The following FPR3 variants were observed in gnomAD, a reference collection of about 807,000 sequenced individuals.
FPR3 encodes formyl peptide receptor 3.
For missense variants in FPR3, 346 were observed against 443.2 expected (o/e 0.78, Z 1.97); for synonymous variants, 135 against 163.6 (o/e 0.83, Z 1.34).
chr19:51,824,119 G>C lies in FPR3; in HGVS notation c.371G>C (p.Cys124Ser), dbSNP rs746392669. 1.2e-5 allele frequency: 20 copies of C among 1,613,846 alleles called. No homozygotes were observed. The highest frequency in any genetic ancestry group is 8.5e-7 in the Non-Finnish European group (1 of 1,179,922). The change falls in exon 2 of 2, where the codon TGT becomes TCT. Residue 124 changes from cysteine to serine, a missense_variant. By Grantham distance (112) the Cys-to-Ser change is moderately radical. Transcript: ENST00000339223. This position sits in a 1 kb window ranked among gnomAD's most constrained non-coding sequence, Gnocchi z 4.7. ...ATCACCATCATTGCTCTGGACCGCTGTATTTGTGTCCTGCATCCAGCCTGG... is the reference window on the plus strand; with the variant it reads ...ATCACCATCATTGCTCTGGACCGCTCTATTTGTGTCCTGCATCCAGCCTGG... Reference protein sequence around the residue: ...YLITIIALDRCICVLHPAWAQ... With the variant: ...YLITIIALDRSICVLHPAWAQ...
chr19:51,812,161 T>C (rs994012482), intron 1 of FPR3, among the ~76,000 whole-genome samples: 2 of 152,166 alleles, frequency 1.3e-5, no homozygotes, highest in African/African-American at 4.8e-5. Context: ...TTAAAGTAAA[T>C]TGTTTGCACT....
chr19:51,821,420 T>C (rs1009147822), intron 1 of FPR3, among the ~76,000 whole-genome samples: 16 of 152,144 alleles, frequency 1.1e-4, no homozygotes, highest in Non-Finnish European at 2.1e-4. Flanking sequence ...CTAGCATCGG[T>C]GGATAGAGGC....
At chr19:51,798,611 C>T (rs990870826) in intron 1 of FPR3, among the ~76,000 whole-genome samples, 8 of 152,108 alleles carry the variant, frequency 5.3e-5, no homozygotes, top group South Asian at 4.1e-4. Context: ...TGGCTCTGTT[C>T]GGTCTGGTTT....
chr19:51,808,728 A>T (rs988504488), intron 1 of FPR3, among the ~76,000 whole-genome samples: 1 of 152,212 alleles, frequency 6.6e-6, no homozygotes, highest in Non-Finnish European at 1.5e-5. Flanking sequence ...AGATGGTGAA[A>T]GTTTTTGTAA....
intron 1 of FPR3, among the ~76,000 whole-genome samples, chr19:51,795,809 G>T (rs2083995346): frequency 6.6e-6 from 1 of 151,920 alleles, no homozygotes; most frequent in African/African-American, 2.4e-5. Context: ...CAATGTGACT[G>T]GCCAATTCTT....
chr19:51,806,421 C>G (rs1213438860), intron 1 of FPR3, among the ~76,000 whole-genome samples: 2 of 152,212 alleles, frequency 1.3e-5, no homozygotes, highest in Non-Finnish European at 2.9e-5. Context: ...TCCTCTAACA[C>G]TTGCCAATGT....
intron 1 of FPR3, among the ~76,000 whole-genome samples, chr19:51,816,840 G>C (rs2084140818): frequency 1.3e-5 from 2 of 152,218 alleles, no homozygotes; most frequent in Admixed American, 6.5e-5. Context: ...GAGAATTGGA[G>C]ACTTGCTCTG....
Position 51,824,919 on chromosome 19 carries a change from C to A in FPR3, c.*109C>A. 1 of 863,582 alleles carries A rather than the reference C, an allele frequency of 1.2e-6. No individual in the cohort carries two copies. Among genetic ancestry groups the A allele is most frequent in the Non-Finnish European group, 1.8e-6 (1 of 560,822 alleles). 53.5% of individuals were successfully genotyped at this position (863,582 alleles called of 1,614,324 possible). On this transcript the variant is annotated 3_prime_UTR_variant, in exon 2 of 2. Coordinates refer to ENST00000339223, the MANE Select transcript of FPR3 (RefSeq NM_002030.5). This position sits in a 1 kb window ranked among gnomAD's most constrained non-coding sequence, Gnocchi z 4.7. The stretch of plus-strand genomic sequence containing the variant: ...TTCATACCACCACCACCACAATCAT[C>A]AACATAAAGGAAGTCTGTACCAAAT...
chr19:51,824,520 G>A lies in FPR3; in HGVS notation c.772G>A (p.Glu258Lys), dbSNP rs779072888. The change falls in exon 2 of 2, where the codon GAA becomes AAA. Residue 258 changes from glutamate (E) to lysine (K), a missense_variant. Coordinates refer to ENST00000339223, the MANE Select transcript of FPR3 (RefSeq NM_002030.5). This position sits in a 1 kb window ranked among gnomAD's most constrained non-coding sequence, Gnocchi z 4.7. ...ASFFICWFPY[E>K]LIGILMAVWL... is the part of the protein sequence containing the mutation. ...TTTCTTCATCTGTTGGTTCCCTTAT[G>A]AACTAATTGGCATTCTAATGGCAGT... 11 of 1,614,058 alleles carry A rather than the reference G, an allele frequency of 6.8e-6. No individual in the cohort carries two copies. The highest frequency in any genetic ancestry group is 9.3e-6 in the Non-Finnish European group (11 of 1,179,964).
chr19:51,812,090 G>C (rs889702108), intron 1 of FPR3, among the ~76,000 whole-genome samples: 1 of 152,140 alleles, frequency 6.6e-6, no homozygotes, highest in African/African-American at 2.4e-5. Flanking sequence ...GCCTATGTTG[G>C]AGGTAGGTTG....
intron 1 of FPR3, among the ~76,000 whole-genome samples, chr19:51,819,517 T>C (rs1342238175): frequency 6.6e-6 from 1 of 152,048 alleles, no homozygotes; most frequent in Non-Finnish European, 1.5e-5. Context: ...GTGTTTGAAG[T>C]AGGAGAAAGA....
intron 1 of FPR3, among the ~76,000 whole-genome samples, chr19:51,795,778 G>A (rs928995863): frequency 7.9e-5 from 12 of 151,992 alleles, no homozygotes; most frequent in Non-Finnish European, 1.8e-4. Flanking sequence ...CTCCCAAAGT[G>A]CTGGGATTAC....
chr19:51,797,500 T>G (rs1287439978), intron 1 of FPR3, among the ~76,000 whole-genome samples: 1 of 152,212 alleles, frequency 6.6e-6, no homozygotes, highest in South Asian at 2.1e-4. Flanking sequence ...AAAAATGATC[T>G]TTTATCCCTC....
At chr19:51,797,490 A>T (rs2084006907) in intron 1 of FPR3, among the ~76,000 whole-genome samples, 1 of 152,154 alleles carries the variant, frequency 6.6e-6, no homozygotes, top group Non-Finnish European at 1.5e-5. Context: ...TTTTGGTATA[A>T]AAAATGATCT....
At chr19:51,819,691 GA>G (rs796735165) in intron 1 of FPR3, among the ~76,000 whole-genome samples, 7 of 150,524 alleles carry the variant, frequency 4.7e-5, no homozygotes, top group African/African-American at 1.7e-4. Context: ...GGTGAGGTGA[GA>G]AAAAAAAAGC....
intron 1 of FPR3, among the ~76,000 whole-genome samples, chr19:51,815,567 T>A (rs1166395259): frequency 6.9e-6 from 1 of 143,934 alleles, no homozygotes; most frequent in Non-Finnish European, 1.5e-5. Context: ...AGACTCTGTC[T>A]AAAAAAAAAA....
chr19:51,820,899 C>A (rs907979862), intron 1 of FPR3, among the ~76,000 whole-genome samples: 1 of 152,202 alleles, frequency 6.6e-6, no homozygotes, highest in Non-Finnish European at 1.5e-5. Context: ...CAGATTAACA[C>A]GTCTCATCTG....
chr19:51,811,305 T>C (rs73061056), intron 1 of FPR3, among the ~76,000 whole-genome samples: 17,375 of 152,216 alleles, frequency 0.11, 1,227 homozygotes, highest in Middle Eastern at 0.18. Flanking sequence ...TAAGTTAATG[T>C]CTGAGAACTA....
intron 1 of FPR3, among the ~76,000 whole-genome samples, chr19:51,802,880 AT>A (rs1271882090): frequency 6.6e-6 from 1 of 152,156 alleles, no homozygotes; most frequent in Non-Finnish European, 1.5e-5. Flanking sequence ...GTTACAGATT[AT>A]TTTATTGTAT....
Sources: allele counts gnomAD v4.1 joint callset (sites outside exome capture counted in the v4.1 genomes callset), GRCh38; gene constraint gnomAD v4.1.1; non-coding constraint Gnocchi (gnomAD v3.1); transcripts MANE v1.5; gene names NCBI Gene and HGNC (gene_info 2026-07-23, HGNC 2026-07-21).